Variants in CCNH observed in about 807,000 individuals in gnomAD.
The protein encoded by CCNH is cyclin-H.
In CCNH, 31 loss-of-function variants were observed where a neutral mutation model predicts 41.9. The ratio of observed to expected loss-of-function variants is 0.74; its 90% CI spans 0.56 to 1.00. The LOEUF is 1.00. Among genes scored for constraint, CCNH ranks in the 50% least tolerant of loss-of-function variants. The pLI, the probability that CCNH is intolerant of heterozygous loss-of-function variation, is 0.00. For synonymous variants in CCNH, 138 were observed against 136.1 expected (o/e 1.01, Z -0.10); for missense variants, 362 against 388.4 (o/e 0.93, Z 0.57).
At chr5:87,384,688 C>A (rs927956609) in intron 9 of CCNH, among the ~76,000 whole-genome samples, 3 of 152,038 alleles carry the variant, frequency 2.0e-5, no homozygotes, top group African/African-American at 7.2e-5. Context: ...TAATTAAGTT[C>A]CAGAGCTTAT....
chr5:87,382,327 G>A (rs981772514), intron 9 of CCNH, among the ~76,000 whole-genome samples: 4 of 152,136 alleles, frequency 2.6e-5, no homozygotes, highest in Admixed American at 6.5e-5. Flanking sequence ...TTAGCAAACA[G>A]GTACATGTTC....
intron 9 of CCNH, among the ~76,000 whole-genome samples, chr5:87,353,778 G>A (rs948267263): frequency 1.3e-5 from 2 of 152,078 alleles, no homozygotes; most frequent in East Asian, 3.9e-4. Context: ...AGACAAAAGT[G>A]AATAGAATCT....
chr5:87,326,081 C>T (rs145021750), intron 9 of CCNH, among the ~76,000 whole-genome samples: 20 of 152,202 alleles, frequency 1.3e-4, no homozygotes, highest in Admixed American at 5.9e-4. Flanking sequence ...AAGCTATCCT[C>T]CCATCTCAGC....
At chr5:87,320,512 G>A (rs1215359552) in intron 9 of CCNH, among the ~76,000 whole-genome samples, 1 of 152,178 alleles carries the variant, frequency 6.6e-6, no homozygotes, top group Non-Finnish European at 1.5e-5. Flanking sequence ...AAGGCAAAGG[G>A]GAAGCAAGAA....
chr5:87,387,032 T>G, downstream of CCNH: 1 of 817,008 alleles, frequency 1.2e-6, no homozygotes, highest in East Asian at 2.7e-5. Flanking sequence ...CTGCAAATTT[T>G]TGTCTGCCTT....
intron 2 of CCNH, among the ~76,000 whole-genome samples, chr5:87,410,226 CAT>C (rs1764125423): frequency 2.0e-5 from 3 of 152,086 alleles, no homozygotes; most frequent in Non-Finnish European, 2.9e-5. Flanking sequence ...CAATGATAAA[CAT>C]GTTATTTAAA....
upstream of CCNH, chr5:87,378,426 C>T: frequency 6.2e-7 from 1 of 1,613,112 alleles, no homozygotes; most frequent in Non-Finnish European, 8.5e-7. Flanking sequence ...CGAGCCACAA[C>T]ACTTGCAAGC....
At chr5:87,349,522 TAGAC>T (rs1489583988) in intron 9 of CCNH, among the ~76,000 whole-genome samples, 1 of 151,946 alleles carries the variant, frequency 6.6e-6, no homozygotes, top group African/African-American at 2.4e-5. Context: ...AAGAATTCTT[TAGAC>T]AGTGTCAAAT....
downstream of CCNH, among the ~76,000 whole-genome samples, chr5:87,372,600 C>CT (rs1428681797): frequency 3.9e-5 from 6 of 152,136 alleles, no homozygotes; most frequent in African/African-American, 1.4e-4. Context: ...AAACCTACTG[C>CT]TTAACTCTTA....
At chr5:87,350,768 C>T (rs1759203732) in intron 9 of CCNH, among the ~76,000 whole-genome samples, 1 of 151,034 alleles carries the variant, frequency 6.6e-6, no homozygotes, top group African/African-American at 2.4e-5. Flanking sequence ...TGACCATTCC[C>T]CCAGAACTTT....
At chr5:87,322,744 G>A (rs907099792) in intron 9 of CCNH, among the ~76,000 whole-genome samples, 3 of 152,178 alleles carry the variant, frequency 2.0e-5, no homozygotes, top group Non-Finnish European at 4.4e-5. Flanking sequence ...AGGGCTATGG[G>A]AGTTATAAGC....
intron 9 of CCNH, among the ~76,000 whole-genome samples, chr5:87,350,871 T>A (rs773842421): frequency 6.6e-6 from 1 of 151,696 alleles, no homozygotes; most frequent in Non-Finnish European, 1.5e-5. Flanking sequence ...AAGCCCCAAA[T>A]TATGTGAATC....
At chr5:87,386,974 A>G (rs539633011), downstream of CCNH, 37 of 1,334,440 alleles carry the variant, frequency 2.8e-5, no homozygotes, top group Non-Finnish European at 3.7e-5. Context: ...CCATTTAAGC[A>G]GCAATCTTTA....
upstream of CCNH, chr5:87,377,215 C>T (rs1489566848): frequency 1.7e-5 from 13 of 773,904 alleles, no homozygotes; most frequent in South Asian, 2.0e-4. Context: ...ATGTTGGTTA[C>T]TATGGGAAGC....
chr5:87,373,381 G>A (rs1580378664), downstream of CCNH, among the ~76,000 whole-genome samples: 1 of 152,140 alleles, frequency 6.6e-6, no homozygotes, highest in Admixed American at 6.6e-5. Flanking sequence ...CAGATACTAT[G>A]TCATTTTCTA....
chr5:87,397,353 T>C (rs543218804), intron 7 of CCNH, among the ~76,000 whole-genome samples: 1 of 151,990 alleles, frequency 6.6e-6, no homozygotes, highest in African/African-American at 2.4e-5. Flanking sequence ...AGAGACGGGG[T>C]TTCGCCATGT....
downstream of CCNH, chr5:87,386,939 T>G (rs1762102904): frequency 1.3e-6 from 2 of 1,523,224 alleles, no homozygotes; most frequent in Non-Finnish European, 1.8e-6. Context: ...TTTTTAAGAC[T>G]TCTAGTTGAT....
intron 9 of CCNH, among the ~76,000 whole-genome samples, chr5:87,363,955 C>T (rs1343234190): frequency 1.3e-5 from 2 of 151,970 alleles, no homozygotes; most frequent in African/African-American, 4.8e-5. Flanking sequence ...AAAAAAAATT[C>T]TTATGTTGAC....
chr5:87,408,001 A>G lies in CCNH; in HGVS notation c.500T>C (p.Phe167Ser). 1 of 1,613,184 alleles carries G rather than the reference A, an allele frequency of 6.2e-7. No homozygotes were observed. The highest frequency in any genetic ancestry group is 8.5e-7 in the Non-Finnish European group (1 of 1,179,112). ...HLIVHNPYRP[F>S]EGFLIDLKTR... is the part of the protein sequence containing the mutation. ...CTTTAAGTCGATGAGGAAGCCCTCA[A>G]ATGGTCTGTAAGGATTGTGGACAAT... is the stretch of plus-strand genomic sequence containing the variant. Residue 167 changes from phenylalanine to serine, a missense_variant, in exon 4 of 9, where the codon TTT (phenylalanine) becomes TCT (serine). By Grantham distance (155) the Phe-to-Ser change is radical. Transcript: ENST00000256897.
Sources: allele counts gnomAD v4.1 joint callset (sites outside exome capture counted in the v4.1 genomes callset), GRCh38; gene constraint gnomAD v4.1.1; transcripts MANE v1.5; gene names NCBI Gene and HGNC (gene_info 2026-07-23, HGNC 2026-07-21).